INPP5A: variants seen among roughly 807,000 people sequenced by gnomAD.
The protein encoded by INPP5A is 43 kDa inositol polyphosphate 5-phophatase.
A neutral mutation model predicts 65.2 loss-of-function variants in INPP5A; 14 were observed. That is an observed-to-expected ratio of 0.21 (90% CI 0.14 to 0.34). The LOEUF is 0.34. Among genes scored for constraint, INPP5A ranks in the 10% least tolerant of loss-of-function variants. INPP5A has a pLI of 1.00. For synonymous variants in INPP5A, 207 were observed against 208.3 expected, an observed-to-expected ratio of 0.99 and a Z score of 0.05; for missense variants, 431 against 545.6, an observed-to-expected ratio of 0.79 and a Z score of 2.09.
chr10:132,781,098 G>T (rs1847154048), intron 14 of INPP5A, among the ~76,000 whole-genome samples, 181 bp downstream of exon 14: 1 of 152,212 alleles, frequency 6.6e-6, no homozygotes, highest in African/African-American at 2.4e-5. Flanking sequence ...GGCCAAGTTG[G>T]TCTGTTTTTA....
chr10:132,621,745 A>G (rs913880201), intron 2 of INPP5A, among the ~76,000 whole-genome samples: 2 of 150,574 alleles, frequency 1.3e-5, no homozygotes, highest in African/African-American at 4.9e-5. Flanking sequence ...CTTTGTCCAT[A>G]AGGAATTACC....
rs1357755857 is a variant in INPP5A at position 132,659,550 on chromosome 10, A to G, written c.306+9045A>G. On this transcript the variant is annotated intron_variant, in intron 4 of 15. Coordinates refer to ENST00000368594, the MANE Select transcript of INPP5A (RefSeq NM_005539.5). The surrounding 1 kb of genome is among the most constrained non-coding windows in gnomAD (Gnocchi z 5.5). ...TGTTCCTTCTCAGCGAGCAGCTCCC[A>G]TGGCAGTCCATTCATTCAACATGCC... 6.6e-6 allele frequency among the ~76,000 whole-genome samples: 1 copy of G among 152,218 alleles called. No individual in the cohort carries two copies. The highest frequency in any genetic ancestry group is 1.9e-4 in the East Asian group (1 of 5,190).
intron 9 of INPP5A, among the ~76,000 whole-genome samples, chr10:132,729,623 C>T (rs182860287): frequency 4.6e-5 from 7 of 152,314 alleles, no homozygotes; most frequent in African/African-American, 4.8e-5. Context: ...CCTCCGTGTT[C>T]GTGTTAGGCT....
chr10:132,691,786 G>T (rs1845268354), intron 5 of INPP5A, among the ~76,000 whole-genome samples: 1 of 152,110 alleles, frequency 6.6e-6, no homozygotes, highest in South Asian at 2.1e-4. Context: ...GTGTGGACGC[G>T]GGAGACGTGT....
chr10:132,719,370 G>A (rs543573600), intron 8 of INPP5A, among the ~76,000 whole-genome samples: 178 of 147,032 alleles, frequency 1.2e-3, no homozygotes, highest in African/African-American at 4.1e-3. Flanking sequence ...GCCTTAGACG[G>A]CTGTCTTGCG....
intron 1 of INPP5A, among the ~76,000 whole-genome samples, chr10:132,588,912 G>T (rs1401810542): frequency 6.6e-6 from 1 of 151,640 alleles, no homozygotes; most frequent in African/African-American, 2.4e-5. Context: ...TGTGAGATGT[G>T]GTCCCACGTT....
chr10:132,699,017 T>C (rs2767419), intron 6 of INPP5A, among the ~76,000 whole-genome samples: 62,259 of 152,166 alleles, frequency 0.41, 12,948 homozygotes, highest in African/African-American at 0.47. Flanking sequence ...GCCAGCCTCC[T>C]GTCCTCGGTC....
intron 3 of INPP5A, among the ~76,000 whole-genome samples, chr10:132,649,695 G>C (rs1001006147): frequency 2.3e-4 from 35 of 152,122 alleles, no homozygotes; most frequent in African/African-American, 8.0e-4. Context: ...ATAAGCATGC[G>C]TGGGTAGGGG....
chr10:132,546,126 A>G lies in INPP5A; in HGVS notation c.75+7955A>G, dbSNP rs547557821. ...CTTGGCCGTGTCACGCCATGTGCTC[A>G]TGTGACCGAGGACGCTTCCGAGGAT... On this transcript the variant is annotated intron_variant, in intron 1 of 15. Transcript: ENST00000368594. This position sits in a 1 kb window ranked among gnomAD's most constrained non-coding sequence, Gnocchi z 5.7. Among the ~76,000 whole-genome samples the G allele has an allele frequency of 1.8e-4, 28 of 152,274 alleles. No individual in the cohort carries two copies. In the East Asian group the frequency reaches 4.6e-3, roughly 25 times the overall value.
rs201002568 is a variant in INPP5A, at chr10:132,757,348, G to T, written c.903+7503G>T. Among the ~76,000 whole-genome samples, 71 of 152,366 alleles carry T rather than the reference G, an allele frequency of 4.7e-4. 1 individual carries two copies. The East Asian group carries it at 0.012, about 25-fold the overall frequency. ...CCTTCGCGAGCGGGGCTCCGCAGAG[G>T]TGCACGCTTTTTCTTCTTTAGACCT... On this transcript the variant is annotated intron_variant, in intron 11 of 15. Coordinates refer to ENST00000368594, the MANE Select transcript of INPP5A (RefSeq NM_005539.5).
In INPP5A at chr10:132,704,671, G is replaced by C. The variant is rs1417418517; in HGVS notation, c.475-3642G>C. Among the ~76,000 whole-genome samples, 1 of 152,100 alleles carries C rather than the reference G, an allele frequency of 6.6e-6. No homozygotes were observed. The highest frequency in any genetic ancestry group is 1.5e-5 in the Non-Finnish European group (1 of 68,014). On this transcript the variant is annotated intron_variant, in intron 6 of 15. Coordinates refer to ENST00000368594, the MANE Select transcript of INPP5A (RefSeq NM_005539.5). This position sits in a 1 kb window ranked among gnomAD's most constrained non-coding sequence, Gnocchi z 4.5. Reference sequence around the variant, plus strand: ...ATCCTGTGCGTGGCTGGGCCGTGGGGGGGCAGTGGCTGTTCCAGGTGGGCC... The same window carrying C: ...ATCCTGTGCGTGGCTGGGCCGTGGGCGGGCAGTGGCTGTTCCAGGTGGGCC...
At chr10:132,712,254 AT>A (rs1845650542) in intron 8 of INPP5A, among the ~76,000 whole-genome samples, 1 of 151,332 alleles carries the variant, frequency 6.6e-6, no homozygotes, top group African/African-American at 2.4e-5. Flanking sequence ...GCATGCAATT[AT>A]GTATGTAATT....
rs1224661283 is a variant in INPP5A at position 132,697,895 on chromosome 10, G to A, written c.450G>A (p.Lys150=). 3.1e-6 allele frequency: 5 copies of A among 1,613,130 alleles called. No homozygotes were observed. The South Asian group carries it at 4.4e-5, about 14-fold the overall frequency. The change falls in exon 6 of 16, where the codon AAG becomes AAA. Residue 150 remains lysine (K), a synonymous_variant. Coordinates refer to ENST00000368594, the MANE Select transcript of INPP5A (RefSeq NM_005539.5). The surrounding 1 kb of genome is among the most constrained non-coding windows in gnomAD (Gnocchi z 5.6). The stretch of plus-strand genomic sequence containing the variant: ...GCACGCCCATGCTGGAGAAGGAGAA[G>A]TTTCCGCAGGACTACTTCCCCGAGG... ...LESTPMLEKE[K]FPQDYFPECK... is the part of the protein sequence containing the mutation.
intron 9 of INPP5A, among the ~76,000 whole-genome samples, chr10:132,742,563 G>C (rs1407509896): frequency 6.6e-6 from 1 of 152,262 alleles, no homozygotes; most frequent in East Asian, 1.9e-4. Flanking sequence ...GCTGTGTCCA[G>C]CCAGAGCTTC....
Position 132,587,937 on chromosome 10 carries a change from G to A in INPP5A, c.76-19978G>A, listed in dbSNP as rs969638714. Among the ~76,000 whole-genome samples the A allele has an allele frequency of 6.6e-6, 1 of 151,466 alleles. No individual in the cohort carries two copies. Among genetic ancestry groups the A allele is most frequent in the East Asian group, 1.9e-4 (1 of 5,150 alleles). The stretch of plus-strand genomic sequence containing the variant: ...TGACACAGGAGAATCACTTGAATCC[G>A]GGAGGCGGAGGTTGCAGTGAGCCAA... On this transcript the variant is annotated intron_variant, in intron 1 of 15. Coordinates refer to ENST00000368594, the MANE Select transcript of INPP5A (RefSeq NM_005539.5). This position sits in a 1 kb window ranked among gnomAD's most constrained non-coding sequence, Gnocchi z 4.3.
chr10:132,611,780 G>A (rs1428497316), intron 2 of INPP5A, among the ~76,000 whole-genome samples: 2 of 146,962 alleles, frequency 1.4e-5, no homozygotes, highest in Non-Finnish European at 3.0e-5. Flanking sequence ...GGTGAGGGAG[G>A]TCAGGTGGGC....
chr10:132,740,472 G>T (rs1455616401), intron 9 of INPP5A, among the ~76,000 whole-genome samples: 2 of 152,138 alleles, frequency 1.3e-5, no homozygotes, highest in African/African-American at 4.8e-5. Context: ...ATGACTAGAA[G>T]AATTATTTGT....
rs1163306497 is a variant in INPP5A, at chr10:132,551,369, A to G, written c.75+13198A>G. Reference sequence around the variant, plus strand: ...GAGTGCCTTAGTTAGGGGACAGGCCAGCCCACCGTCATCTGCCTGCAGCGT... The same window carrying G: ...GAGTGCCTTAGTTAGGGGACAGGCCGGCCCACCGTCATCTGCCTGCAGCGT... On this transcript the variant is annotated intron_variant, in intron 1 of 15. Coordinates refer to ENST00000368594, the MANE Select transcript of INPP5A (RefSeq NM_005539.5). The surrounding 1 kb of genome is among the most constrained non-coding windows in gnomAD (Gnocchi z 5.3). 6.6e-6 allele frequency among the ~76,000 whole-genome samples: 1 copy of G among 152,100 alleles called. No homozygotes were observed. The highest frequency in any genetic ancestry group is 1.5e-5 in the Non-Finnish European group (1 of 68,026).
chr10:132,721,407 T>G (rs1845876547), intron 8 of INPP5A, among the ~76,000 whole-genome samples: 1 of 150,530 alleles, frequency 6.6e-6, no homozygotes, highest in Non-Finnish European at 1.5e-5. Context: ...CTGGGTTCTG[T>G]CTGGGTGCCT....
Sources: gnomAD v4.1 joint callset for allele counts (sites outside exome capture counted in the v4.1 genomes callset) on GRCh38, gnomAD v4.1.1 for gene constraint, Gnocchi (gnomAD v3.1) non-coding constraint, MANE v1.5 for transcripts, NCBI Gene and HGNC (gene_info 2026-07-23, HGNC 2026-07-21) for gene names.